The following MYO6 variants were observed in gnomAD, a reference collection of about 807,000 sequenced individuals.
The protein encoded by MYO6 is myosin VI.
In MYO6, 74 loss-of-function variants were observed where a neutral mutation model predicts 178.7. That is an observed-to-expected ratio of 0.41 (90% CI 0.34 to 0.50). The LOEUF (loss-of-function observed/expected upper bound fraction) is 0.50, where lower values mean the gene tolerates loss of function less well. Ranked by LOEUF, MYO6 falls within the 20% of genes least tolerant of loss-of-function variation. The pLI, the probability that MYO6 is intolerant of heterozygous loss-of-function variation, is 0.09. For missense variants in MYO6, 1,330 were observed against 1,547.4 expected, an observed-to-expected ratio of 0.86 and a Z score of 2.36; for synonymous variants, 477 against 504.6, an observed-to-expected ratio of 0.95 and a Z score of 0.73.
chr6:75,863,941 A>G (rs1032051416), intron 16 of MYO6, among the ~76,000 whole-genome samples: 7 of 152,116 alleles, frequency 4.6e-5, no homozygotes, highest in Admixed American at 1.3e-4. Flanking sequence ...ACCTGAGGTA[A>G]TAAAAGCACA....
At chr6:75,870,751 A>T (rs1244916503) in intron 19 of MYO6, 66 bp downstream of exon 19, 3 of 1,265,888 alleles carry the variant, frequency 2.4e-6, no homozygotes, top group Non-Finnish European at 3.5e-6. Context: ...GTAATTATGC[A>T]AGTAGGCATA....
At chr6:75,787,730 C>CTCTCTATATA (rs1767784406) in intron 1 of MYO6, among the ~76,000 whole-genome samples, 1 of 11,662 alleles carries the variant, frequency 8.6e-5, no homozygotes, top group Non-Finnish European at 1.5e-4. Flanking sequence ...CTCTCTCTCT[C>CTCTCTATATA]TATATATATA....
rs368029361 is a variant in MYO6, at chr6:75,898,647, A to C, written c.3176+236A>C. On this transcript the variant is annotated intron_variant, in intron 30 of 34. Transcript: ENST00000369977. ...ATACCATTGGCATTTTGAATGGGAC[A>C]GTTCCCTTGGCAGTGGAACTCTACT... Among the ~76,000 whole-genome samples, 4 of 152,324 alleles carry C rather than the reference A, an allele frequency of 2.6e-5. 1 individual carries two copies. Among genetic ancestry groups the C allele is most frequent in the African/African-American group, 9.6e-5 (4 of 41,574 alleles).
intron 1 of MYO6, among the ~76,000 whole-genome samples, chr6:75,786,165 A>G (rs9443189): frequency 0.26 from 39,448 of 151,878 alleles, 7,386 homozygotes; most frequent in African/African-American, 0.53. Context: ...GACTTAGGTG[A>G]TCTGCCCGCC....
chr6:75,881,812 A>G lies in MYO6; in HGVS notation c.2410A>G (p.Ile804Val), dbSNP rs1029226915. ...AGTTCAGTGGTGCTCACTCTCAGTC[A>G]TCAAATGTAGGTGTTTTCCTTTACA... ...KKVQWCSLSV[I>V]KLKNKIKYRA... The change falls in exon 23 of 35, where the codon ATC becomes GTC. Residue 804 changes from isoleucine (I) to valine (V), a missense_variant. Physicochemically the swap from Ile to Val is conservative, Grantham distance 29. This residue lies in a region of MYO6 where 601 missense variants were observed against 626.1 expected (regional missense o/e 0.96). Transcript: ENST00000369977. 6.2e-7 allele frequency: 1 copy of G among 1,613,682 alleles called. No individual in the cohort carries two copies.
intron 30 of MYO6, among the ~76,000 whole-genome samples, chr6:75,904,982 G>T (rs962968715): frequency 1.3e-5 from 2 of 152,056 alleles, no homozygotes; most frequent in Non-Finnish European, 1.5e-5. Flanking sequence ...TGGAGTACCC[G>T]GCCGTGTGAG....
intron 11 of MYO6, among the ~76,000 whole-genome samples, chr6:75,849,245 T>C (rs1410981158): frequency 6.6e-6 from 1 of 152,202 alleles, no homozygotes; most frequent in Non-Finnish European, 1.5e-5. Context: ...GTGTCAGAGT[T>C]GAGTAGTTGC....
chr6:75,805,146 T>A (rs1365034774), intron 1 of MYO6, among the ~76,000 whole-genome samples: 1 of 149,584 alleles, frequency 6.7e-6, no homozygotes, highest in African/African-American at 2.5e-5. Flanking sequence ...TGCCTCAGCC[T>A]CCCAAGTAGC....
intron 8 of MYO6, 79 bp from the exon 9 acceptor site, chr6:75,841,135 G>C: frequency 7.3e-7 from 1 of 1,365,742 alleles, no homozygotes; most frequent in Non-Finnish European, 1.0e-6. Context: ...ATTAGAAAAG[G>C]TAAATAATTT....
intron 3 of MYO6, among the ~76,000 whole-genome samples, chr6:75,823,171 G>T (rs551144411): frequency 1.3e-5 from 2 of 152,152 alleles, no homozygotes; most frequent in South Asian, 4.1e-4. Flanking sequence ...GAGTCAGGTG[G>T]TTTTTATTGT....
chr6:75,833,922 A>T (rs1773379814), intron 6 of MYO6, among the ~76,000 whole-genome samples: 1 of 152,204 alleles, frequency 6.6e-6, no homozygotes, highest in Non-Finnish European at 1.5e-5. Context: ...CAGACATCTT[A>T]TATGGAAGCT....
intron 1 of MYO6, among the ~76,000 whole-genome samples, chr6:75,775,557 A>C (rs569640643): frequency 1.3e-5 from 2 of 152,306 alleles, no homozygotes; most frequent in East Asian, 3.9e-4. Flanking sequence ...ATCAGTCTCC[A>C]ACCTTGAGGG....
intron 1 of MYO6, among the ~76,000 whole-genome samples, chr6:75,808,892 A>G (rs1037127803): frequency 1.3e-5 from 2 of 152,226 alleles, no homozygotes; most frequent in Non-Finnish European, 2.9e-5. Context: ...CTTCCAAATC[A>G]TAGGTAGATA....
intron 1 of MYO6, among the ~76,000 whole-genome samples, chr6:75,769,196 A>G (rs1778704456): frequency 6.6e-6 from 1 of 152,184 alleles, no homozygotes; most frequent in African/African-American, 2.4e-5. Flanking sequence ...GAGGGAGCAA[A>G]TGTCCAAACC....
At chr6:75,818,143 A>G (rs1771474904) in intron 2 of MYO6, among the ~76,000 whole-genome samples, 1 of 152,182 alleles carries the variant, frequency 6.6e-6, no homozygotes, top group South Asian at 2.1e-4. Flanking sequence ...TTCACTTAAA[A>G]TTATTGCTAT....
intron 1 of MYO6, among the ~76,000 whole-genome samples, chr6:75,753,455 G>GTGTGTGTGTGTATATATATATA (rs370647728): frequency 1.4e-5 from 2 of 140,040 alleles, no homozygotes; most frequent in African/African-American, 5.4e-5. Flanking sequence ...GTGTGTGTGT[G>GTGTGTGTGTGTATATATATATA]TATATATATA....
At chr6:75,783,117 A>G (rs1221985195) in intron 1 of MYO6, among the ~76,000 whole-genome samples, 3 of 151,698 alleles carry the variant, frequency 2.0e-5, no homozygotes, top group East Asian at 1.9e-4. Context: ...GGGTCTTGCT[A>G]TGTTGCCCAA....
At chr6:75,880,408 A>G (rs1028639949) in intron 22 of MYO6, among the ~76,000 whole-genome samples, 2 of 152,214 alleles carry the variant, frequency 1.3e-5, no homozygotes, top group Non-Finnish European at 2.9e-5. Flanking sequence ...CCTGAGCCAC[A>G]TTGGAAGAAG....
chr6:75,881,486 A>G (rs1261251738), intron 22 of MYO6, among the ~76,000 whole-genome samples: 1 of 147,338 alleles, frequency 6.8e-6, no homozygotes. Flanking sequence ...CTTACCTCCA[A>G]AAAAGCTCCT....
Sources: allele counts gnomAD v4.1 joint callset (sites outside exome capture counted in the v4.1 genomes callset), GRCh38; gene constraint gnomAD v4.1.1; regional missense constraint gnomAD v4.1.1; transcripts MANE v1.5; gene names NCBI Gene and HGNC (gene_info 2026-07-23, HGNC 2026-07-21).